Variants in TMEM176A observed in about 807,000 individuals in gnomAD.
TMEM176A encodes the protein transmembrane protein 176A.
TMEM176A carries 20 observed loss-of-function variants against 27.9 expected under a neutral mutation model. That is an observed-to-expected ratio of 0.72 (90% CI 0.50 to 1.04). The LOEUF (loss-of-function observed/expected upper bound fraction) is 1.04, where lower values mean the gene tolerates loss of function less well. Among genes scored for constraint, TMEM176A ranks in the 50% least tolerant of loss-of-function variants. TMEM176A has a pLI of 0.00. For missense variants in TMEM176A, 252 were observed against 289.1 expected (o/e 0.87, Z 0.93); for synonymous variants, 125 against 118.0 (o/e 1.06, Z -0.38).
intron 6 of TMEM176A, 170 bp from the exon 7 acceptor site, chr7:150,804,657 C>A: frequency 1.1e-6 from 1 of 869,878 alleles, no homozygotes; most frequent in Non-Finnish European, 1.8e-6. Context: ...AACCAAGTGG[C>A]CCCCAAGTCA....
chr7:150,803,884 C>A (rs1345994872), intron 5 of TMEM176A, 52 bp downstream of exon 5: 3 of 1,566,538 alleles, frequency 1.9e-6, no homozygotes, highest in Non-Finnish European at 1.7e-6. Flanking sequence ...GATGGCCAGG[C>A]CAGGCCAGGG....
chr7:150,801,107 G>A, intron 1 of TMEM176A: 1 of 495,544 alleles, frequency 2.0e-6, no homozygotes, highest in Non-Finnish European at 2.6e-6. Flanking sequence ...TATCCGGAGC[G>A]CAGCCGGGGC....
intron 1 of TMEM176A, chr7:150,801,249 T>G: frequency 3.5e-6 from 1 of 286,648 alleles, no homozygotes; most frequent in Non-Finnish European, 6.4e-6. Context: ...GGGGCGCTGC[T>G]TGACCCAGAC....
At position 150,801,541 on chromosome 7, in the gene TMEM176A, G is replaced by A; in HGVS notation, c.-10G>A. On this transcript the variant is annotated 5_prime_UTR_variant, in exon 2 of 7. Coordinates refer to ENST00000004103, the MANE Select transcript of TMEM176A (RefSeq NM_018487.3). ...TGGTGCTCCCTTCCTCATAGACTGT[G>A]TCCCTGACAATGGGAACAGCCGACA... 1.3e-6 allele frequency: 2 copies of A among 1,588,410 alleles called. No homozygotes were observed. The highest frequency in any genetic ancestry group is 1.7e-4 in the Middle Eastern group (1 of 5,914).
chr7:150,802,495 C>A, intron 3 of TMEM176A, 170 bp downstream of exon 3: 1 of 720,844 alleles, frequency 1.4e-6, no homozygotes, highest in Non-Finnish European at 2.3e-6. Flanking sequence ...GCGGTGGTGG[C>A]ATGTCCTATT....
At position 150,802,338 on chromosome 7, in the gene TMEM176A, G is replaced by C. The variant is rs144688762; in HGVS notation, c.285+13G>C. The C allele has an allele frequency of 1.7e-3, 2,791 of 1,611,654 alleles. 36 individuals are homozygous for C. In the African/African-American group the frequency reaches 0.031, roughly 18 times the overall value. On this transcript the variant is annotated intron_variant, in intron 3 of 6. Transcript: ENST00000004103. Reference sequence around the variant, plus strand: ...GACAGGGGCTGTGGTGAGTAGAGCAGGACAGTGCTTGACTGCCTGTGAGAG... The same window carrying C: ...GACAGGGGCTGTGGTGAGTAGAGCACGACAGTGCTTGACTGCCTGTGAGAG...
chr7:150,804,466 CA>C lies in TMEM176A; in HGVS notation c.663del (p.Arg224GlufsTer9). 6 of 1,613,172 alleles carry C rather than the reference CA, an allele frequency of 3.7e-6. No individual in the cohort carries two copies. Among genetic ancestry groups the C allele is most frequent in the Non-Finnish European group, 5.1e-6 (6 of 1,179,132 alleles). ...WLYCWRMFPT[K>X]GKRDQKEMLE... ...TGTACTGCTGGAGAATGTTCCCAAC[CA>C]AAGGGGTGAGTCCCTAAGGTGTGTG... On this transcript the variant is annotated frameshift_variant, in exon 6 of 7. Coordinates refer to ENST00000004103, the MANE Select transcript of TMEM176A (RefSeq NM_018487.3). LOFTEE classifies it high-confidence loss of function.
At position 150,803,420 on chromosome 7, in the gene TMEM176A, T is replaced by C. The variant is rs1328634737; in HGVS notation, c.306T>C (p.Ala102=). The change falls in exon 4 of 7, where the codon GCT becomes GCC. Residue 102 remains alanine, a synonymous_variant. Coordinates refer to ENST00000004103, the MANE Select transcript of TMEM176A (RefSeq NM_018487.3). The stretch of plus-strand genomic sequence containing the variant: ...CCCAGGCTGTGCTGGCTGGAGCTGC[T>C]GCCTTCATTTACGAGAAACGGGGTG... ...TGAVAVLAGA[A]AFIYEKRGGT... is the part of the protein sequence containing the mutation. 2 of 1,593,692 alleles carry C rather than the reference T, an allele frequency of 1.3e-6. No homozygotes were observed. Among genetic ancestry groups the C allele is most frequent in the South Asian group, 1.2e-5 (1 of 86,664 alleles).
chr7:150,802,377 C>A, intron 3 of TMEM176A, 52 bp downstream of exon 3: 2 of 1,505,806 alleles, frequency 1.3e-6, no homozygotes, highest in Non-Finnish European at 1.8e-6. Flanking sequence ...TGGGGCATTG[C>A]TCTCCTGATT....
chr7:150,802,391 T>C (rs1798829544), intron 3 of TMEM176A, 66 bp downstream of exon 3: 1 of 1,382,712 alleles, frequency 7.2e-7, no homozygotes, highest in African/African-American at 1.4e-5. Flanking sequence ...CCTGATTGCC[T>C]TCCTCCAACA....
At chr7:150,802,941 G>A (rs933294623) in intron 3 of TMEM176A, 79 of 989,544 alleles carry the variant, frequency 8.0e-5, no homozygotes, top group Non-Finnish European at 9.2e-5. Flanking sequence ...CTGTCCACTG[G>A]GACATACTAG....
chr7:150,802,628 A>G, intron 3 of TMEM176A: 3 of 943,016 alleles, frequency 3.2e-6, no homozygotes, highest in South Asian at 3.0e-5. Context: ...AGATACTTGC[A>G]TTGAGATGGG....
intron 1 of TMEM176A, chr7:150,801,314 G>A (rs1563046883): frequency 2.7e-5 from 13 of 487,786 alleles, no homozygotes; most frequent in Non-Finnish European, 3.5e-6. Context: ...GGCGAAAGGG[G>A]AGGTTCCCGC....
chr7:150,804,983 C>G lies in TMEM176A; in HGVS notation c.*115C>G. The stretch of plus-strand genomic sequence containing the variant: ...GAGGCTCTTCAACAGCCCCAGTTAT[C>G]CTGGCCCCATGACCGTGGCCACAGC... On this transcript the variant is annotated 3_prime_UTR_variant, in exon 7 of 7. Transcript: ENST00000004103. 8.7e-7 allele frequency: 1 copy of G among 1,151,300 alleles called. No individual in the cohort carries two copies. The highest frequency in any genetic ancestry group is 1.3e-6 in the Non-Finnish European group (1 of 766,962). The allele number at this position is 1,151,300 out of a possible 1,614,324, so 71.3% of individuals were successfully genotyped here.
intron 5 of TMEM176A, 46 bp downstream of exon 5, chr7:150,803,878 G>A (rs771838393): frequency 1.4e-5 from 22 of 1,565,780 alleles, no homozygotes; most frequent in Non-Finnish European, 1.9e-5. Flanking sequence ...GGCAGGGATG[G>A]CCAGGCCAGG....
At position 150,804,466 on chromosome 7, in the gene TMEM176A, C is replaced by A. The variant is rs1422813701; in HGVS notation, c.660C>A (p.Thr220=). Residue 220 remains threonine (T), a synonymous_variant, in exon 6 of 7, where the codon ACC becomes ACA. Transcript: ENST00000004103. ...TGTACTGCTGGAGAATGTTCCCAACCAAAGGGGTGAGTCCCTAAGGTGTGT... is the reference window on the plus strand; with the variant it reads ...TGTACTGCTGGAGAATGTTCCCAACAAAAGGGGTGAGTCCCTAAGGTGTGT... ...LWLYCWRMFP[T]KGKRDQKEML... 1.2e-6 allele frequency: 2 copies of A among 1,613,170 alleles called. No individual in the cohort carries two copies. Among genetic ancestry groups the A allele is most frequent in the Admixed American group, 1.7e-5 (1 of 60,030 alleles).
rs145205194 is a variant in TMEM176A, at chr7:150,803,440, G to A, written c.326G>A (p.Arg109Gln). Residue 109 changes from arginine to glutamine, a missense_variant, in exon 4 of 7, where the codon CGG becomes CAG. Transcript: ENST00000004103. ...GCTGCTGCCTTCATTTACGAGAAAC[G>A]GGGTGGTACATACTGGGTAAGTTCA... ...AGAAAFIYEK[R>Q]GGTYWALLRT... 2.9e-5 allele frequency: 46 copies of A among 1,596,364 alleles called. No homozygotes were observed. The highest frequency in any genetic ancestry group is 3.4e-5 in the South Asian group (3 of 87,198).
Position 150,801,738 on chromosome 7 carries a change from C to G in TMEM176A, c.174+14C>G, listed in dbSNP as rs781088770. 7.3e-5 allele frequency: 109 copies of G among 1,497,004 alleles called. No individual in the cohort carries two copies. The highest frequency in any genetic ancestry group is 9.4e-5 in the Non-Finnish European group (106 of 1,132,992). 92.7% of individuals were successfully genotyped at this position (1,497,004 alleles called of 1,614,324 possible). ...GTGGCCTCGTGGGTGAGTGTGACGG[C>G]CTGCCTCGTCGGGCGGCGGGAGGAA... On this transcript the variant is annotated intron_variant, in intron 2 of 6. Coordinates refer to ENST00000004103, the MANE Select transcript of TMEM176A (RefSeq NM_018487.3).
intron 5 of TMEM176A, 138 bp downstream of exon 5, chr7:150,803,970 A>G: frequency 1.3e-6 from 1 of 750,666 alleles, no homozygotes; most frequent in Non-Finnish European, 2.1e-6. Context: ...CCAAAGACAA[A>G]GCATCAGACA....
Sources: gnomAD v4.1 joint callset for allele counts on GRCh38, gnomAD v4.1.1 for gene constraint, MANE v1.5 for transcripts, NCBI Gene and HGNC (gene_info 2026-07-23, HGNC 2026-07-21) for gene names.